PTPRT: variants seen among roughly 807,000 people sequenced by gnomAD.
PTPRT encodes the protein protein tyrosine phosphatase receptor type T.
In PTPRT, 56 loss-of-function variants were observed where a neutral mutation model predicts 176.8. That is an observed-to-expected ratio of 0.32 (90% CI 0.26 to 0.40). The LOEUF (loss-of-function observed/expected upper bound fraction) is 0.40. PTPRT is among the 10% of genes least tolerant of loss of function. The pLI is 1.00. For missense variants in PTPRT, 1,540 were observed against 1,908.2 expected, an observed-to-expected ratio of 0.81 and a Z score of 3.60; for synonymous variants, 783 against 739.0, an observed-to-expected ratio of 1.06 and a Z score of -0.96.
chr20:42,956,568 G>A (rs1219291624), intron 1 of PTPRT, among the ~76,000 whole-genome samples: 5 of 151,992 alleles, frequency 3.3e-5, no homozygotes, highest in African/African-American at 9.7e-5. Flanking sequence ...AGAACCAGGA[G>A]CCAATTAAAT....
chr20:43,122,273 A>C (rs2146361612), intron 1 of PTPRT, among the ~76,000 whole-genome samples: 1 of 152,354 alleles, frequency 6.6e-6, no homozygotes, highest in East Asian at 1.9e-4. Flanking sequence ...AGTGCCTGGC[A>C]GGTATCAGAC....
rs1489075645 is a variant in PTPRT at position 42,078,575 on chromosome 20, A to G, written c.*2304T>C. The G allele has an allele frequency of 1.1e-5, 2 of 188,926 alleles. No homozygotes were observed. The highest frequency in any genetic ancestry group is 2.3e-5 in the African/African-American group (1 of 42,766). The allele number at this position is 188,926 out of a possible 1,614,324, so 11.7% of individuals were successfully genotyped here. On this transcript the variant is annotated 3_prime_UTR_variant, in exon 31 of 31. Coordinates refer to ENST00000373187, the MANE Select transcript of PTPRT (RefSeq NM_007050.6). ...ATTGGCCCAGAAGGAGTCTTGGCCA[A>G]CACGAAGCTGAGTGCATCTCTCTAA...
At chr20:42,242,281 C>T (rs1307530448) in intron 14 of PTPRT, among the ~76,000 whole-genome samples, 1 of 152,204 alleles carries the variant, frequency 6.6e-6, no homozygotes, top group African/African-American at 2.4e-5. Context: ...CTGAGTGAAG[C>T]TCTCTTGTAT....
chr20:42,408,772 T>C (rs1298618992), intron 9 of PTPRT, among the ~76,000 whole-genome samples: 1 of 152,194 alleles, frequency 6.6e-6, no homozygotes, highest in Non-Finnish European at 1.5e-5. Flanking sequence ...AAAAAATACT[T>C]GAGAGTGGGT....
chr20:42,987,415 C>G (rs1983658322), intron 1 of PTPRT, among the ~76,000 whole-genome samples: 1 of 152,212 alleles, frequency 6.6e-6, no homozygotes, highest in African/African-American at 2.4e-5. Context: ...ATACAGAATA[C>G]TGCCCTCAAG....
At chr20:42,538,850 C>T (rs779934403) in intron 7 of PTPRT, among the ~76,000 whole-genome samples, 22 of 152,182 alleles carry the variant, frequency 1.4e-4, no homozygotes, top group Non-Finnish European at 3.1e-4. Flanking sequence ...CATACTCCCA[C>T]TCATTTCTCC....
intron 27 of PTPRT, among the ~76,000 whole-genome samples, chr20:42,094,043 C>A (rs997812478): frequency 1.3e-5 from 2 of 152,220 alleles, no homozygotes; most frequent in Non-Finnish European, 2.9e-5. Context: ...CTGAAAGATT[C>A]TTCATTCACC....
chr20:42,842,144 T>C (rs1011927358), intron 2 of PTPRT, among the ~76,000 whole-genome samples: 1 of 152,246 alleles, frequency 6.6e-6, no homozygotes, highest in Non-Finnish European at 1.5e-5. Context: ...ACTCCTGTAT[T>C]CTCCAACAGC....
intron 6 of PTPRT, among the ~76,000 whole-genome samples, chr20:42,724,734 G>A (rs1467692685): frequency 6.6e-6 from 1 of 152,154 alleles, no homozygotes; most frequent in East Asian, 1.9e-4. Flanking sequence ...GGAGCTCAAG[G>A]CTGCAGTGAG....
chr20:43,045,146 G>A lies in PTPRT; in HGVS notation c.88+144500C>T, dbSNP rs1055591013. On this transcript the variant is annotated intron_variant, in intron 1 of 30. Transcript: ENST00000373187. Reference sequence around the variant, plus strand: ...CACCCAAACAAATGTTGAGATCCAGGAGGGAGGATCCTTGAGGATAATTTC... The same window carrying A: ...CACCCAAACAAATGTTGAGATCCAGAAGGGAGGATCCTTGAGGATAATTTC... 5.3e-5 allele frequency among the ~76,000 whole-genome samples: 8 copies of A among 152,232 alleles called. No homozygotes were observed. The South Asian group carries it at 1.7e-3, about 31-fold the overall frequency.
chr20:42,432,680 A>C (rs918528930), intron 9 of PTPRT, among the ~76,000 whole-genome samples: 2 of 152,234 alleles, frequency 1.3e-5, no homozygotes, highest in South Asian at 2.1e-4. Flanking sequence ...GCTACATAGC[A>C]TCTTTATCTT....
rs267605936 is a variant in PTPRT, at chr20:42,350,678, C to T, written c.1815G>A (p.Thr605=). 1.6e-5 allele frequency: 26 copies of T among 1,613,896 alleles called. No individual in the cohort carries two copies. The South Asian group carries it at 1.8e-4, about 11-fold the overall frequency. The change falls in exon 11 of 31, where the codon ACG becomes ACA. Residue 605 remains threonine, a synonymous_variant. Transcript: ENST00000373187. The part of the protein sequence containing the change: ...DTDTPLNETD[T]TITVMLKPAQ... ...CGGGTTTCAGCATCACTGTGATGGT[C>T]GTGTCTGTCTCATTCAATGGGGTGT...
At chr20:42,071,717 C>T (rs141102582), downstream of PTPRT, among the ~76,000 whole-genome samples, 114 of 152,210 alleles carry the variant, frequency 7.5e-4, no homozygotes, top group East Asian at 3.9e-3. Flanking sequence ...ACTGCAGTGG[C>T]GCAGTCTCAG....
At chr20:42,052,975 A>C in the PTPRT span, among the ~76,000 whole-genome samples, 1 of 152,208 alleles carries the variant, frequency 6.6e-6, no homozygotes, top group African/African-American at 2.4e-5. Flanking sequence ...TTCGAGTCAT[A>C]GGGTCTCTGT....
chr20:43,071,252 A>C (rs970054214), intron 1 of PTPRT, among the ~76,000 whole-genome samples: 2 of 152,178 alleles, frequency 1.3e-5, no homozygotes, highest in African/African-American at 4.8e-5. Flanking sequence ...TCGTCCCTAC[A>C]CTAACAACAT....
chr20:43,102,289 C>CACAT (rs1386946694), intron 1 of PTPRT, among the ~76,000 whole-genome samples: 1 of 137,008 alleles, frequency 7.3e-6, no homozygotes, highest in Non-Finnish European at 1.5e-5. Context: ...ACACATCACA[C>CACAT]ACACACACAC....
intron 1 of PTPRT, among the ~76,000 whole-genome samples, chr20:43,035,642 A>C (rs1986345877): frequency 1.3e-5 from 2 of 152,210 alleles, no homozygotes; most frequent in African/African-American, 4.8e-5. Flanking sequence ...GTTTTCAAAA[A>C]CCAGATGAAC....
intron 11 of PTPRT, among the ~76,000 whole-genome samples, chr20:42,320,225 A>T (rs923512528): frequency 1.3e-5 from 2 of 152,190 alleles, no homozygotes; most frequent in African/African-American, 4.8e-5. Flanking sequence ...CATCCAAGGC[A>T]AAAACCCTCA....
intron 7 of PTPRT, among the ~76,000 whole-genome samples, chr20:42,639,124 CA>C (rs375887499): frequency 1.3e-5 from 2 of 152,100 alleles, no homozygotes; most frequent in African/African-American, 4.8e-5. Context: ...GAAAAAGGCC[CA>C]AATGCACACT....
Sources: gnomAD v4.1 joint callset for allele counts (sites outside exome capture counted in the v4.1 genomes callset) on GRCh38, gnomAD v4.1.1 for gene constraint, MANE v1.5 for transcripts, NCBI Gene and HGNC (gene_info 2026-07-23, HGNC 2026-07-21) for gene names.